The following AFAP1 variants were observed in gnomAD, a reference collection of about 807,000 sequenced individuals.
AFAP1 encodes the protein actin filament associated protein 1.
A neutral mutation model predicts 93.9 loss-of-function variants in AFAP1; 75 were observed. That is an observed-to-expected ratio of 0.80 (90% CI 0.66 to 0.97). The LOEUF (loss-of-function observed/expected upper bound fraction) is 0.97, where lower values mean the gene tolerates loss of function less well. AFAP1 is among the 50% of genes least tolerant of loss of function. The pLI is 0.00. For synonymous variants in AFAP1, 517 were observed against 430.7 expected (o/e 1.20, Z -2.48); for missense variants, 1,201 against 1,050.8 (o/e 1.14, Z -1.98).
chr4:7,764,540 T>TA (rs997063170), intron 17 of AFAP1, among the ~76,000 whole-genome samples: 7 of 151,934 alleles, frequency 4.6e-5, no homozygotes, highest in African/African-American at 1.7e-4. Flanking sequence ...TAAAAATGCT[T>TA]AAAATGGTCA....
In AFAP1 at chr4:7,782,772, G is replaced by C. The variant is rs536525551; in HGVS notation, c.1531-1145C>G. ...TACAACCTTTTGTTATAAAAATAGA[G>C]AAGACTTAAAATTCTGCAGTAGGAG... On this transcript the variant is annotated intron_variant, in intron 12 of 17. Coordinates refer to ENST00000420658, the MANE Select transcript of AFAP1 (RefSeq NM_001134647.2). Among the ~76,000 whole-genome samples the C allele has an allele frequency of 4.6e-5, 7 of 152,292 alleles. No homozygotes were observed. In the South Asian group the frequency reaches 1.2e-3, roughly 27 times the overall value.
chr4:7,830,697 C>T (rs1053498692), intron 6 of AFAP1, among the ~76,000 whole-genome samples: 1 of 152,144 alleles, frequency 6.6e-6, no homozygotes, highest in African/African-American at 2.4e-5. Flanking sequence ...AAACCTCAAA[C>T]TCCTGGGGCT....
intron 1 of AFAP1, among the ~76,000 whole-genome samples, chr4:7,912,135 C>A (rs116712519): frequency 6.6e-6 from 1 of 152,170 alleles, no homozygotes; most frequent in African/African-American, 2.4e-5. Flanking sequence ...TGAACAAGGA[C>A]GTCATTAACT....
At chr4:7,826,844 GTC>G (rs2149085404) in intron 6 of AFAP1, among the ~76,000 whole-genome samples, 1 of 152,316 alleles carries the variant, frequency 6.6e-6, no homozygotes, top group African/African-American at 2.4e-5. Flanking sequence ...ACTCTTGTCA[GTC>G]TCTGCTGTTC....
intron 17 of AFAP1, among the ~76,000 whole-genome samples, chr4:7,768,131 G>A (rs1314988811): frequency 6.6e-6 from 1 of 152,232 alleles, no homozygotes; most frequent in Non-Finnish European, 1.5e-5. Context: ...GGTACAGGAG[G>A]ACTCCCGTGT....
intron 9 of AFAP1, among the ~76,000 whole-genome samples, chr4:7,801,084 A>G (rs1391521609): frequency 6.6e-6 from 1 of 151,888 alleles, no homozygotes; most frequent in African/African-American, 2.4e-5. Flanking sequence ...AGTAAGAGTC[A>G]CAGGCAGGCA....
At chr4:7,926,445 T>C (rs536821068) in intron 1 of AFAP1, among the ~76,000 whole-genome samples, 13 of 152,164 alleles carry the variant, frequency 8.5e-5, no homozygotes, top group Non-Finnish European at 1.9e-4. Flanking sequence ...TTAGGGCTGG[T>C]TATGAGAATA....
chr4:7,915,211 G>T (rs112740796), intron 1 of AFAP1, among the ~76,000 whole-genome samples: 2 of 136,494 alleles, frequency 1.5e-5, no homozygotes, highest in Non-Finnish European at 3.1e-5. Flanking sequence ...TCCCCCCTAC[G>T]GTGCGTAAGA....
At chr4:7,838,787 G>A (rs1005332141) in intron 5 of AFAP1, 84 bp from the exon 6 acceptor site, 3 of 1,490,306 alleles carry the variant, frequency 2.0e-6, no homozygotes, top group Admixed American at 3.8e-5. Flanking sequence ...ATGAAAACCT[G>A]AGTGCGGGCA....
At chr4:7,858,922 C>T (rs1054229423) in intron 3 of AFAP1, among the ~76,000 whole-genome samples, 15 of 152,206 alleles carry the variant, frequency 9.9e-5, no homozygotes, top group Non-Finnish European at 1.9e-4. Flanking sequence ...CCATGTCCTC[C>T]CAAAGGATAA....
chr4:7,762,137 G>C lies in AFAP1; in HGVS notation c.*1628C>G, dbSNP rs546055561. Reference sequence around the variant, plus strand: ...ACATGGGAGACCGCTTTCCGCTTCAGTAATCCAACGTGGCCCTTGCAGGCC... The same window carrying C: ...ACATGGGAGACCGCTTTCCGCTTCACTAATCCAACGTGGCCCTTGCAGGCC... On this transcript the variant is annotated 3_prime_UTR_variant, in exon 18 of 18. Transcript: ENST00000420658. 6.6e-6 allele frequency: 1 copy of C among 152,364 alleles called. No individual in the cohort carries two copies. Among genetic ancestry groups the C allele is most frequent in the African/African-American group, 2.4e-5 (1 of 41,580 alleles). The allele number at this position is 152,364 out of a possible 1,614,324, so 9.4% of individuals were successfully genotyped here.
At chr4:7,805,774 C>T (rs566768084) in intron 9 of AFAP1, among the ~76,000 whole-genome samples, 22 of 152,336 alleles carry the variant, frequency 1.4e-4, no homozygotes, top group East Asian at 5.8e-4. Context: ...CCTGTTCTTA[C>T]GCCAGTCATG....
At chr4:7,892,832 G>T (rs1001538315) in intron 1 of AFAP1, among the ~76,000 whole-genome samples, 3 of 152,130 alleles carry the variant, frequency 2.0e-5, no homozygotes, top group Admixed American at 6.5e-5. Context: ...GTCAAACGTG[G>T]GATGTGGTGG....
At chr4:7,829,102 C>A (rs1721674534) in intron 6 of AFAP1, among the ~76,000 whole-genome samples, 1 of 152,210 alleles carries the variant, frequency 6.6e-6, no homozygotes. Context: ...GACGTGTTTG[C>A]TTCCCCTTCT....
chr4:7,884,921 G>C (rs181025163), intron 1 of AFAP1, among the ~76,000 whole-genome samples: 140 of 152,254 alleles, frequency 9.2e-4, no homozygotes, highest in Non-Finnish European at 1.6e-3. Context: ...TCATACACAC[G>C]GTGCATTCCC....
rs148473996 is a variant in AFAP1 at position 7,903,237 on chromosome 4, A to G, written c.-2-31157T>C. 4.6e-3 allele frequency among the ~76,000 whole-genome samples: 696 copies of G among 152,382 alleles called. 1 individual carries two copies. Among genetic ancestry groups the G allele is most frequent in the Non-Finnish European group, 7.5e-3 (510 of 68,034 alleles). On this transcript the variant is annotated intron_variant, in intron 1 of 17. Transcript: ENST00000420658. Reference sequence around the variant, plus strand: ...TATCTAGGTGCCAGGCACTGGTCATATAACAGGGAACATATATTTTTGTAG... The same window carrying G: ...TATCTAGGTGCCAGGCACTGGTCATGTAACAGGGAACATATATTTTTGTAG...
chr4:7,768,514 T>C (rs1560143859), intron 17 of AFAP1, among the ~76,000 whole-genome samples: 1 of 152,134 alleles, frequency 6.6e-6, no homozygotes, highest in African/African-American at 2.4e-5. Context: ...AGCGGTCTCC[T>C]GGTCTAATCT....
intron 8 of AFAP1, among the ~76,000 whole-genome samples, chr4:7,811,204 C>G (rs1257797189): frequency 6.6e-6 from 1 of 152,160 alleles, no homozygotes; most frequent in African/African-American, 2.4e-5. Flanking sequence ...TGGGCAAACC[C>G]CAGCGCCCGA....
chr4:7,847,080 T>C (rs1332991505), intron 4 of AFAP1, among the ~76,000 whole-genome samples: 1 of 152,212 alleles, frequency 6.6e-6, no homozygotes, highest in Non-Finnish European at 1.5e-5. Context: ...CCAGCCAACT[T>C]AGCAGCAAAC....
Sources: gnomAD v4.1 joint callset for allele counts (sites outside exome capture counted in the v4.1 genomes callset) on GRCh38, gnomAD v4.1.1 for gene constraint, MANE v1.5 for transcripts, NCBI Gene and HGNC (gene_info 2026-07-23, HGNC 2026-07-21) for gene names.